RNF214: variants seen among roughly 807,000 people sequenced by gnomAD.
The protein encoded by RNF214 is ring finger protein 214.
Under a neutral mutation model 75.9 loss-of-function variants are expected in RNF214, and 25 were observed. The observed-to-expected ratio is 0.33, with a 90% CI of 0.24 to 0.46. RNF214 has a LOEUF of 0.46. Among genes scored for constraint, RNF214 ranks in the 20% least tolerant of loss-of-function variants. The pLI is 1.00. For missense variants in RNF214, 725 were observed against 857.5 expected (o/e 0.85, Z 1.93); for synonymous variants, 314 against 308.8 (o/e 1.02, Z -0.18).
At chr11:117,250,331 A>G (rs544865110) in intron 6 of RNF214, among the ~76,000 whole-genome samples, 5 of 152,360 alleles carry the variant, frequency 3.3e-5, no homozygotes, top group Admixed American at 1.3e-4. Flanking sequence ...GAAAATTTCA[A>G]TAGTGACTAC....
At chr11:117,234,943 T>C (rs2032860047) in intron 2 of RNF214, among the ~76,000 whole-genome samples, 1 of 152,202 alleles carries the variant, frequency 6.6e-6, no homozygotes, top group South Asian at 2.1e-4. Context: ...GGGATAGGCA[T>C]ATGCCCACCC....
At chr11:117,281,434 C>T in intron 9 of RNF214, 30 bp downstream of exon 9, 2 of 1,543,278 alleles carry the variant, frequency 1.3e-6, no homozygotes, top group Non-Finnish European at 1.8e-6. Context: ...ATCATTCAGT[C>T]AGTGTTAGTC....
Position 117,242,981 on chromosome 11 carries a change from C to T in RNF214, c.679-1464C>T, listed in dbSNP as rs190899816. ...ATCAGTTGCAGAGAGTTCAAAGATT[C>T]CGGGGTCCACCTGTAGAAGCCAGGT... On this transcript the variant is annotated intron_variant, in intron 4 of 14. Transcript: ENST00000300650. 7.6e-4 allele frequency among the ~76,000 whole-genome samples: 115 copies of T among 152,212 alleles called. 1 individual carries two copies. Among genetic ancestry groups the T allele is most frequent in the Middle Eastern group, 3.4e-3 (1 of 294 alleles).
intron 6 of RNF214, among the ~76,000 whole-genome samples, chr11:117,269,035 T>A (rs1366075995): frequency 6.6e-6 from 1 of 152,190 alleles, no homozygotes; most frequent in African/African-American, 2.4e-5. Context: ...AAAGTCCAGA[T>A]GCTTATATAC....
In RNF214 at chr11:117,239,135, T is replaced by C. The variant is rs888870843; in HGVS notation, c.618+24T>C. 7 of 1,558,084 alleles carry C rather than the reference T, an allele frequency of 4.5e-6. No homozygotes were observed. The African/African-American group carries it at 6.8e-5, about 15-fold the overall frequency. ...AGGTCAAGTGTCAAGTTTCTACTAC[T>C]AAAATGTAATTGGGGGGTGGTGGGG... On this transcript the variant is annotated intron_variant, in intron 3 of 14. Coordinates refer to ENST00000300650, the MANE Select transcript of RNF214 (RefSeq NM_207343.4).
chr11:117,252,855 A>G (rs1171151056), intron 6 of RNF214, among the ~76,000 whole-genome samples: 5 of 152,172 alleles, frequency 3.3e-5, no homozygotes, highest in South Asian at 2.1e-4. Flanking sequence ...TTTTAGTGCC[A>G]TATATCTGGT....
At chr11:117,237,562 A>C (rs967632423) in intron 2 of RNF214, among the ~76,000 whole-genome samples, 6 of 152,168 alleles carry the variant, frequency 3.9e-5, no homozygotes, top group Non-Finnish European at 8.8e-5. Flanking sequence ...AAAGATGTGC[A>C]ATTGTGAATG....
chr11:117,254,513 G>A (rs976435003), intron 6 of RNF214, among the ~76,000 whole-genome samples: 5 of 152,072 alleles, frequency 3.3e-5, no homozygotes, highest in African/African-American at 1.2e-4. Flanking sequence ...TCTGTTACTG[G>A]ATTTACTTGC....
At chr11:117,240,426 G>A (rs1182323039) in intron 4 of RNF214, among the ~76,000 whole-genome samples, 3 of 147,764 alleles carry the variant, frequency 2.0e-5, no homozygotes, top group South Asian at 2.2e-4. Flanking sequence ...AGTGGCTCAC[G>A]CCTGTAATCC....
At chr11:117,270,530 C>A (rs2033888786) in intron 6 of RNF214, among the ~76,000 whole-genome samples, 1 of 151,592 alleles carries the variant, frequency 6.6e-6, no homozygotes, top group African/African-American at 2.4e-5. Flanking sequence ...CTCCCGGGTT[C>A]AAGCAGTTCT....
chr11:117,258,854 A>G lies in RNF214; in HGVS notation c.959+11906A>G, dbSNP rs551950600. Reference sequence around the variant, plus strand: ...ATGTTCCAGTGCTTCACATAAATGGAATCAATCTTATACAGTGTACTCTTT... The same window carrying G: ...ATGTTCCAGTGCTTCACATAAATGGGATCAATCTTATACAGTGTACTCTTT... On this transcript the variant is annotated intron_variant, in intron 6 of 14. Transcript: ENST00000300650. Among the ~76,000 whole-genome samples, 3 of 152,364 alleles carry G rather than the reference A, an allele frequency of 2.0e-5. No individual in the cohort carries two copies. In the East Asian group the frequency reaches 5.8e-4, roughly 29 times the overall value.
intron 6 of RNF214, among the ~76,000 whole-genome samples, chr11:117,278,424 A>C (rs922658066): frequency 1.3e-5 from 2 of 152,230 alleles, no homozygotes; most frequent in African/African-American, 4.8e-5. Context: ...GATCTTGGTA[A>C]TCCAGGCTTC....
chr11:117,268,601 G>T (rs894260935), intron 6 of RNF214, among the ~76,000 whole-genome samples: 37 of 152,190 alleles, frequency 2.4e-4, no homozygotes, highest in African/African-American at 8.4e-4. Flanking sequence ...TTGTAACTGT[G>T]TAGTAAATGT....
intron 6 of RNF214, chr11:117,263,755 G>A (rs2033732543): frequency 6.1e-6 from 1 of 164,452 alleles, no homozygotes; most frequent in Admixed American, 6.4e-5. Flanking sequence ...AGAAACATAT[G>A]GTGAATACAA....
At chr11:117,274,969 G>A (rs2033986584) in intron 6 of RNF214, among the ~76,000 whole-genome samples, 1 of 152,002 alleles carries the variant, frequency 6.6e-6, no homozygotes, top group Non-Finnish European at 1.5e-5. Context: ...GTGAGCCACT[G>A]CACCTGGCCT....
chr11:117,272,436 G>A (rs116217134), intron 6 of RNF214, among the ~76,000 whole-genome samples: 4 of 152,048 alleles, frequency 2.6e-5, no homozygotes, highest in Non-Finnish European at 5.9e-5. Context: ...GGGTCAGTTG[G>A]GGGGGTAGGG....
At chr11:117,258,386 G>T (rs974464467) in intron 6 of RNF214, among the ~76,000 whole-genome samples, 1 of 151,912 alleles carries the variant, frequency 6.6e-6, no homozygotes. Flanking sequence ...CTTTTTCGTT[G>T]AGAGGAGACA....
intron 6 of RNF214, among the ~76,000 whole-genome samples, chr11:117,270,497 T>G (rs1387373541): frequency 6.6e-6 from 1 of 152,060 alleles, no homozygotes; most frequent in Admixed American, 6.6e-5. Flanking sequence ...AGTGGCACGA[T>G]GTGGGCTCAC....
intron 1 of RNF214, 79 bp from the exon 2 acceptor site, chr11:117,234,188 G>C: frequency 9.7e-7 from 1 of 1,031,624 alleles, no homozygotes. Context: ...TCTGTTGTGT[G>C]GACATTCTGA....
Sources: gnomAD v4.1 joint callset for allele counts (sites outside exome capture counted in the v4.1 genomes callset) on GRCh38, gnomAD v4.1.1 for gene constraint, MANE v1.5 for transcripts, NCBI Gene and HGNC (gene_info 2026-07-23, HGNC 2026-07-21) for gene names.